The following TAFA1 variants were observed in gnomAD, a reference collection of about 807,000 sequenced individuals.
The protein encoded by TAFA1 is TAFA chemokine like family member 1.
In TAFA1, 4 loss-of-function variants were observed where a neutral mutation model predicts 18.5. The ratio of observed to expected loss-of-function variants is 0.22; its 90% confidence interval spans 0.11 to 0.49. The LOEUF is 0.49. Ranked by LOEUF, TAFA1 falls within the 20% of genes least tolerant of loss-of-function variation. TAFA1 has a pLI of 0.98. For synonymous variants in TAFA1, 56 were observed against 55.2 expected, an observed-to-expected ratio of 1.01 and a Z score of -0.06; for missense variants, 147 against 169.0, an observed-to-expected ratio of 0.87 and a Z score of 0.72.
At chr3:68,135,973 A>G (rs1297481795) in intron 2 of TAFA1, among the ~76,000 whole-genome samples, 2 of 152,212 alleles carry the variant, frequency 1.3e-5, no homozygotes, top group African/African-American at 4.8e-5. Flanking sequence ...ACATATGCTT[A>G]AGTAGTTCTC....
intron 3 of TAFA1, among the ~76,000 whole-genome samples, chr3:68,464,501 G>A (rs529479342): frequency 6.6e-6 from 1 of 152,224 alleles, no homozygotes; most frequent in Admixed American, 6.5e-5. Flanking sequence ...AGGTGAAAAT[G>A]AGTCCATAAC....
At chr3:68,103,215 C>T (rs927110798) in intron 2 of TAFA1, among the ~76,000 whole-genome samples, 2 of 152,210 alleles carry the variant, frequency 1.3e-5, no homozygotes, top group Non-Finnish European at 2.9e-5. Context: ...TCAGGCCCTG[C>T]AAGTGTTGAG....
chr3:68,335,292 A>G (rs138803405), intron 2 of TAFA1, among the ~76,000 whole-genome samples: 1 of 152,200 alleles, frequency 6.6e-6, no homozygotes, highest in African/African-American at 2.4e-5. Context: ...ATAAAAAATG[A>G]TAAGCACTTT....
At chr3:68,078,593 G>A (rs2064856803) in intron 2 of TAFA1, among the ~76,000 whole-genome samples, 1 of 152,048 alleles carries the variant, frequency 6.6e-6, no homozygotes, top group African/African-American at 2.4e-5. Flanking sequence ...CTTTGGCTCT[G>A]TTTATATGCT....
chr3:68,170,513 G>A (rs2066039438), intron 2 of TAFA1, among the ~76,000 whole-genome samples: 1 of 152,196 alleles, frequency 6.6e-6, no homozygotes, highest in Non-Finnish European at 1.5e-5. Flanking sequence ...ACTGGGATAT[G>A]AGATATCCAT....
intron 2 of TAFA1, among the ~76,000 whole-genome samples, chr3:68,209,335 A>T (rs549800693): frequency 2.6e-5 from 4 of 152,178 alleles, no homozygotes; most frequent in African/African-American, 9.6e-5. Context: ...TAAATTCAGC[A>T]ATAGAAAACT....
intron 2 of TAFA1, among the ~76,000 whole-genome samples, chr3:68,106,387 G>T (rs534841144): frequency 6.6e-6 from 1 of 152,102 alleles, no homozygotes; most frequent in Non-Finnish European, 1.5e-5. Flanking sequence ...CCCTTGAAAC[G>T]TGGTTAGCAT....
chr3:68,297,644 T>C (rs2068232840), intron 2 of TAFA1, among the ~76,000 whole-genome samples: 1 of 152,176 alleles, frequency 6.6e-6, no homozygotes, highest in Non-Finnish European at 1.5e-5. Flanking sequence ...AAGTAGATAA[T>C]ATTATTGGTC....
At chr3:68,185,195 A>G (rs1373092265) in intron 2 of TAFA1, among the ~76,000 whole-genome samples, 2 of 152,126 alleles carry the variant, frequency 1.3e-5, no homozygotes, top group African/African-American at 2.4e-5. Flanking sequence ...GTGACATTTA[A>G]AGGGACCCTG....
intron 2 of TAFA1, among the ~76,000 whole-genome samples, chr3:68,408,386 A>G (rs1245262989): frequency 6.6e-6 from 1 of 152,170 alleles, no homozygotes; most frequent in African/African-American, 2.4e-5. Context: ...TTATGACTCG[A>G]TCCCCAACCA....
intron 2 of TAFA1, among the ~76,000 whole-genome samples, chr3:68,328,947 T>C (rs1426526376): frequency 2.0e-5 from 3 of 151,818 alleles, no homozygotes; most frequent in Admixed American, 2.0e-4. Context: ...AAAAACAAAA[T>C]GGCATCATGG....
At chr3:68,534,212 G>C (rs1434352945) in intron 3 of TAFA1, among the ~76,000 whole-genome samples, 1 of 152,100 alleles carries the variant, frequency 6.6e-6, no homozygotes, top group Non-Finnish European at 1.5e-5. Flanking sequence ...GATTGACTGA[G>C]GGTCTGACAC....
At chr3:68,005,996 A>G (rs986951450) in intron 1 of TAFA1, among the ~76,000 whole-genome samples, 2 of 152,188 alleles carry the variant, frequency 1.3e-5, no homozygotes, top group Non-Finnish European at 2.9e-5. Flanking sequence ...CAATATTGCA[A>G]ATTATGGCTT....
intron 3 of TAFA1, among the ~76,000 whole-genome samples, chr3:68,489,644 T>C (rs2072414523): frequency 6.6e-6 from 1 of 152,224 alleles, no homozygotes; most frequent in African/African-American, 2.4e-5. Flanking sequence ...ACATTTGCAT[T>C]AATGCTACAA....
At chr3:68,393,479 A>G (rs1260727029) in intron 2 of TAFA1, among the ~76,000 whole-genome samples, 2 of 152,124 alleles carry the variant, frequency 1.3e-5, no homozygotes, top group African/African-American at 2.4e-5. Flanking sequence ...TTCAAACAAC[A>G]GAAAAAGAGG....
intron 2 of TAFA1, among the ~76,000 whole-genome samples, chr3:68,085,688 G>A (rs996057548): frequency 1.1e-4 from 16 of 152,086 alleles, no homozygotes; most frequent in Non-Finnish European, 1.5e-4. Context: ...GTATATCTGC[G>A]TATTCCAATA....
intron 2 of TAFA1, among the ~76,000 whole-genome samples, chr3:68,119,933 T>A (rs1157303558): frequency 6.6e-6 from 1 of 152,314 alleles, no homozygotes; most frequent in Non-Finnish European, 1.5e-5. Flanking sequence ...GTTTGAGAAC[T>A]ATTAACCTAG....
chr3:68,472,078 G>A (rs909455304), intron 3 of TAFA1, among the ~76,000 whole-genome samples: 2 of 152,086 alleles, frequency 1.3e-5, no homozygotes, highest in African/African-American at 4.8e-5. Context: ...TGAGATTTGG[G>A]GGGGACCAGT....
intron 2 of TAFA1, among the ~76,000 whole-genome samples, chr3:68,400,541 C>A (rs2070466813): frequency 6.6e-6 from 1 of 152,186 alleles, no homozygotes; most frequent in Non-Finnish European, 1.5e-5. Context: ...ATCCTCCCAA[C>A]TATAAGGAGA....
Sources: allele counts gnomAD v4.1 joint callset (sites outside exome capture counted in the v4.1 genomes callset), GRCh38; gene constraint gnomAD v4.1.1; transcripts MANE v1.5; gene names NCBI Gene and HGNC (gene_info 2026-07-23, HGNC 2026-07-21).